TSPAN31: variants seen among roughly 807,000 people sequenced by gnomAD.
The protein encoded by TSPAN31 is tetraspanin-31.
In TSPAN31, 16 loss-of-function variants were observed where a neutral mutation model predicts 24.8. That is an observed-to-expected ratio of 0.64 (90% CI 0.44 to 0.98). The LOEUF (loss-of-function observed/expected upper bound fraction) is 0.98, where lower values mean the gene tolerates loss of function less well. Among genes scored for constraint, TSPAN31 ranks in the 50% least tolerant of loss-of-function variants. The pLI is 0.00. For missense variants in TSPAN31, 209 were observed against 251.6 expected (o/e 0.83, Z 1.15); for synonymous variants, 87 against 91.4 (o/e 0.95, Z 0.27).
At position 57,745,736 on chromosome 12, in the gene TSPAN31, T is replaced by G; in HGVS notation, c.64-9T>G. On this transcript the variant is annotated splice_polypyrimidine_tract_variant and intron_variant, in intron 1 of 5. Transcript: ENST00000257910. The stretch of plus-strand genomic sequence containing the variant: ...AATTGTTGAGATGTATCCTGCTCTT[T>G]CTTCGTAGCTGGTGAGCTTGTTGCT... 6.2e-7 allele frequency: 1 copy of G among 1,614,026 alleles called. No homozygotes were observed. The highest frequency in any genetic ancestry group is 8.5e-7 in the Non-Finnish European group (1 of 1,179,990).
At chr12:57,746,387 A>G (rs749834505) in intron 3 of TSPAN31, 131 bp downstream of exon 3, 19 of 1,139,584 alleles carry the variant, frequency 1.7e-5, no homozygotes, top group Non-Finnish European at 2.4e-5. Flanking sequence ...CTCTTGGGCT[A>G]TTTGCTTCCT....
At chr12:57,746,967 C>T (rs755864573) in intron 4 of TSPAN31, 51 bp from the exon 5 acceptor site, 7 of 1,524,910 alleles carry the variant, frequency 4.6e-6, no homozygotes, top group Non-Finnish European at 6.4e-6. Context: ...AGGTATTAGT[C>T]ACTAGCAACT....
chr12:57,747,192 A>G (rs773634615), intron 5 of TSPAN31, 24 bp from the exon 6 acceptor site: 2 of 1,613,518 alleles, frequency 1.2e-6, no homozygotes, highest in Non-Finnish European at 8.5e-7. Context: ...ATTGATACTT[A>G]TCTCTCTCCC....
In TSPAN31 at chr12:57,747,444, C is replaced by T. The variant is rs989587417; in HGVS notation, c.*154C>T. On this transcript the variant is annotated 3_prime_UTR_variant, in exon 6 of 6. Coordinates refer to ENST00000257910, the MANE Select transcript of TSPAN31 (RefSeq NM_005981.5). ...TTGATGGAATAGCAAGACTTTATGC[C>T]TTGACATATTTTAGTGGGAGCCAGA... 1 of 647,746 alleles carries T rather than the reference C, an allele frequency of 1.5e-6. No individual in the cohort carries two copies. Among genetic ancestry groups the T allele is most frequent in the Non-Finnish European group, 2.6e-6 (1 of 381,194 alleles). 40.1% of individuals were successfully genotyped at this position (647,746 alleles called of 1,614,324 possible). A position where few individuals can be genotyped will look rare whatever the true frequency, so the allele number is the denominator to read the frequency against.
Position 57,747,747 on chromosome 12 carries a change from C to CT in TSPAN31, c.*470dup, listed in dbSNP as rs146863045. The CT allele has an allele frequency of 6.5e-3, 988 of 151,274 alleles. 4 individuals are homozygous for CT. The highest frequency in any genetic ancestry group is 9.8e-3 in the Middle Eastern group (3 of 306). The allele number at this position is 151,274 out of a possible 1,614,324, so 9.4% of individuals were successfully genotyped here. ...TAAAAGCCATTTAAAAATCTATATT[C>CT]TTTTTTTTTTTTTGACACAGAGTCT... is the stretch of plus-strand genomic sequence containing the variant. On this transcript the variant is annotated 3_prime_UTR_variant, in exon 6 of 6. Transcript: ENST00000257910.
At position 57,749,137 on chromosome 12, in the gene TSPAN31, C is replaced by T. The variant is rs199967391; in HGVS notation, c.*1847C>T. ...CCCTGCATACTGCTCTATTTCTTTCCCCAGTCTCTATTTCTTTCCCTGTGC... is the reference window on the plus strand; with the variant it reads ...CCCTGCATACTGCTCTATTTCTTTCTCCAGTCTCTATTTCTTTCCCTGTGC... On this transcript the variant is annotated 3_prime_UTR_variant, in exon 6 of 6. Coordinates refer to ENST00000257910, the MANE Select transcript of TSPAN31 (RefSeq NM_005981.5). The T allele has an allele frequency of 2.9e-5, 47 of 1,613,140 alleles. No homozygotes were observed. The highest frequency in any genetic ancestry group is 2.3e-4 in the Admixed American group (14 of 60,024).
chr12:57,748,539 C>T lies in TSPAN31; in HGVS notation c.*1249C>T, dbSNP rs879254241. ...CACTCCATTGCTCACTCCGGATTAC[C>T]TTCATCCTTATGTAGATAAGAGTGC... On this transcript the variant is annotated 3_prime_UTR_variant, in exon 6 of 6. Coordinates refer to ENST00000257910, the MANE Select transcript of TSPAN31 (RefSeq NM_005981.5). 140 of 1,612,656 alleles carry T rather than the reference C, an allele frequency of 8.7e-5. No individual in the cohort carries two copies. The highest frequency in any genetic ancestry group is 1.2e-4 in the Non-Finnish European group (140 of 1,178,900).
chr12:57,747,194 C>T (rs1159516163), intron 5 of TSPAN31, 22 bp from the exon 6 acceptor site: 4 of 1,613,428 alleles, frequency 2.5e-6, no homozygotes, highest in East Asian at 2.2e-5. Flanking sequence ...TGATACTTAT[C>T]TCTCTCCCTT....
At chr12:57,746,876 G>A in intron 4 of TSPAN31, 142 bp from the exon 5 acceptor site, 2 of 1,348,394 alleles carry the variant, frequency 1.5e-6, no homozygotes, top group Non-Finnish European at 1.0e-6. Flanking sequence ...GGTGGATAGA[G>A]GCTGGGGAAT....
rs1286125835 is a variant in TSPAN31 at position 57,747,517 on chromosome 12, T to C, written c.*227T>C. ...CTTTCTTCCTCTCTCTCCAAGAGGA[T>C]ATGGGAAGCTTCTGTGAGTGCATAG... On this transcript the variant is annotated 3_prime_UTR_variant, in exon 6 of 6. Coordinates refer to ENST00000257910, the MANE Select transcript of TSPAN31 (RefSeq NM_005981.5). 8 of 489,242 alleles carry C rather than the reference T, an allele frequency of 1.6e-5. No individual in the cohort carries two copies. The East Asian group carries it at 2.8e-4, about 17-fold the overall frequency. 30.3% of individuals were successfully genotyped at this position (489,242 alleles called of 1,614,324 possible). A position where few individuals can be genotyped will look rare whatever the true frequency, so the allele number is the denominator to read the frequency against.
intron 3 of TSPAN31, 63 bp from the exon 4 acceptor site, chr12:57,746,526 G>C: frequency 6.2e-7 from 1 of 1,601,238 alleles, no homozygotes; most frequent in South Asian, 1.1e-5. Flanking sequence ...TAGGGAAATT[G>C]AGGCACTTGA....
rs2140380706 is a variant in TSPAN31 at position 57,748,462 on chromosome 12, C to T, written c.*1172C>T. The T allele has an allele frequency of 6.8e-6, 8 of 1,175,584 alleles. 1 individual carries two copies. Among genetic ancestry groups the T allele is most frequent in the Non-Finnish European group, 1.0e-5 (8 of 782,524 alleles). The allele number at this position is 1,175,584 out of a possible 1,614,324, so 72.8% of individuals were successfully genotyped here. A position where few individuals can be genotyped will look rare whatever the true frequency, so the allele number is the denominator to read the frequency against. On this transcript the variant is annotated 3_prime_UTR_variant, in exon 6 of 6. Transcript: ENST00000257910. ...GCCTCAGAGATAAAGGCAAAGATTG[C>T]CCTCTCAGTGTCCAGAAGGGAAATG...
At chr12:57,746,344 C>G (rs762749084) in intron 3 of TSPAN31, 88 bp downstream of exon 3, 2 of 1,321,352 alleles carry the variant, frequency 1.5e-6, no homozygotes, top group Non-Finnish European at 2.2e-6. Flanking sequence ...CCCCAACTAC[C>G]CAAAGATCAT....
intron 3 of TSPAN31, 165 bp from the exon 4 acceptor site, chr12:57,746,424 A>T (rs768359734): frequency 3.5e-6 from 4 of 1,146,178 alleles, no homozygotes; most frequent in South Asian, 1.3e-5. Flanking sequence ...ATTTTCCATG[A>T]GGATGATCTA....
intron 5 of TSPAN31, 25 bp downstream of exon 5, chr12:57,747,156 C>A (rs778868610): frequency 8.1e-6 from 13 of 1,611,726 alleles, no homozygotes; most frequent in Non-Finnish European, 1.1e-5. Flanking sequence ...TTCCCTCACA[C>A]ACATCCTTTT....
chr12:57,749,852 C>A lies in TSPAN31; in HGVS notation c.*2562C>A. On this transcript the variant is annotated 3_prime_UTR_variant, in exon 6 of 6. Transcript: ENST00000257910. ...TCATTACTAAAAGTACAAAAATTAG[C>A]TGAGCATGGTGGCGTGCACCTGTGG... The A allele has an allele frequency of 5.6e-6, 2 of 355,840 alleles. No individual in the cohort carries two copies. Among genetic ancestry groups the A allele is most frequent in the East Asian group, 6.8e-5 (1 of 14,646 alleles). The allele number at this position is 355,840 out of a possible 1,614,324, so 22.0% of individuals were successfully genotyped here.
intron 3 of TSPAN31, 44 bp downstream of exon 3, chr12:57,746,300 T>C (rs778316402): frequency 1.9e-6 from 3 of 1,575,520 alleles, no homozygotes; most frequent in Non-Finnish European, 1.7e-6. Flanking sequence ...TTTTAAAATT[T>C]TCCTCTTAAC....
chr12:57,749,282 C>G lies in TSPAN31; in HGVS notation c.*1992C>G, dbSNP rs531817742. 2.5e-6 allele frequency: 4 copies of G among 1,614,198 alleles called. No individual in the cohort carries two copies. The highest frequency in any genetic ancestry group is 1.6e-4 in the Middle Eastern group (1 of 6,062). On this transcript the variant is annotated 3_prime_UTR_variant, in exon 6 of 6. Coordinates refer to ENST00000257910, the MANE Select transcript of TSPAN31 (RefSeq NM_005981.5). Reference sequence around the variant, plus strand: ...GGCTCCACGGGGCAGGGATACATCTCGAGGCCAGTCATCCTCTGGAGGCAG... The same window carrying G: ...GGCTCCACGGGGCAGGGATACATCTGGAGGCCAGTCATCCTCTGGAGGCAG...
At position 57,749,067 on chromosome 12, in the gene TSPAN31, A is replaced by G. The variant is rs2069507; in HGVS notation, c.*1777A>G. ...GCTATTTGCAGCTGTAATAAAAACT[A>G]CAGCCCATCTACCAACCAAGTTTCA... On this transcript the variant is annotated 3_prime_UTR_variant, in exon 6 of 6. Transcript: ENST00000257910. 0.028 allele frequency: 36,809 copies of G among 1,323,218 alleles called. 676 individuals carry two copies. The highest frequency in any genetic ancestry group is 0.031 in the Non-Finnish European group (28,112 of 915,502). 82.0% of individuals were successfully genotyped at this position (1,323,218 alleles called of 1,614,324 possible). A position where few individuals can be genotyped will look rare whatever the true frequency, so the allele number is the denominator to read the frequency against.
Sources: allele counts gnomAD v4.1 joint callset, GRCh38; gene constraint gnomAD v4.1.1; transcripts MANE v1.5; gene names NCBI Gene and HGNC (gene_info 2026-07-23, HGNC 2026-07-21).